The following KIAA1217 variants were observed in gnomAD, a reference collection of about 807,000 sequenced individuals.
The protein encoded by KIAA1217 is KIAA1217, also known as sickle tail protein homolog.
A neutral mutation model predicts 163.9 loss-of-function variants in KIAA1217; 88 were observed. That is an observed-to-expected ratio of 0.54 (90% CI 0.45 to 0.64). The LOEUF (loss-of-function observed/expected upper bound fraction) is 0.64. Among genes scored for constraint, KIAA1217 ranks in the 30% least tolerant of loss-of-function variants. The pLI, the probability that KIAA1217 is intolerant of heterozygous loss-of-function variation, is 0.00. For synonymous variants in KIAA1217, 903 were observed against 923.1 expected (o/e 0.98, Z 0.39); for missense variants, 2,372 against 2,475.0 (o/e 0.96, Z 0.88).
chr10:24,508,807 G>A (rs1306303336), intron 9 of KIAA1217, among the ~76,000 whole-genome samples: 6 of 152,194 alleles, frequency 3.9e-5, no homozygotes. Context: ...AGGAGCACAT[G>A]TTATATAATT....
At chr10:24,122,333 T>C (rs1257604724) in intron 2 of KIAA1217, among the ~76,000 whole-genome samples, 1 of 152,192 alleles carries the variant, frequency 6.6e-6, no homozygotes, top group African/African-American at 2.4e-5. Context: ...GCTTTCATTC[T>C]TTTTTATGGC....
Position 24,520,138 on chromosome 10 carries a change from T to C in KIAA1217, c.2193T>C (p.Phe731=). The C allele has an allele frequency of 1.2e-6, 2 of 1,614,024 alleles. No individual in the cohort carries two copies. Among genetic ancestry groups the C allele is most frequent in the Non-Finnish European group, 1.7e-6 (2 of 1,179,934 alleles). Reference sequence around the variant, plus strand: ...GCTCCCGCAGCGAGTTGGAAGACTTTGTTGAAGACTTGAAGAAGGACTCCA... The same window carrying C: ...GCTCCCGCAGCGAGTTGGAAGACTTCGTTGAAGACTTGAAGAAGGACTCCA... ...IVKKLCELED[F]VEDLKKDSTA... Residue 731 remains phenylalanine, a synonymous_variant, in exon 11 of 21, where the codon TTT becomes TTC. Transcript: ENST00000376454.
At chr10:23,697,755 T>C (rs1375251411) in intron 1 of KIAA1217, among the ~76,000 whole-genome samples, 2 of 151,832 alleles carry the variant, frequency 1.3e-5, no homozygotes, top group Non-Finnish European at 2.9e-5. Context: ...TGTGCACCTG[T>C]GATCCCAGCT....
chr10:24,067,546 C>T lies in KIAA1217; in HGVS notation c.-171+60172C>T, dbSNP rs562867428. On this transcript the variant is annotated intron_variant, in intron 2 of 18. Coordinates refer to the KIAA1217 transcript ENST00000376462. ...TACCCGGCCATGGGAGGTGTCAGTC[C>T]GCCCCTACTGGGGGATGCCTCCCAG... Among the ~76,000 whole-genome samples the T allele has an allele frequency of 2.0e-4, 30 of 152,234 alleles. 1 individual carries two copies. In the South Asian group the frequency reaches 5.2e-3, roughly 26 times the overall value.
chr10:24,246,489 AT>A (rs1419285247), intron 2 of KIAA1217, among the ~76,000 whole-genome samples: 2 of 152,176 alleles, frequency 1.3e-5, no homozygotes, highest in African/African-American at 4.8e-5. Flanking sequence ...GTCGATATGA[AT>A]GTTGCAGGGG....
chr10:23,829,553 T>G (rs970642824), intron 1 of KIAA1217, among the ~76,000 whole-genome samples: 9 of 152,218 alleles, frequency 5.9e-5, no homozygotes, highest in African/African-American at 2.2e-4. Context: ...ATTTGATTAT[T>G]TGCACATTTA....
At chr10:23,797,119 G>T (rs1211551149) in intron 1 of KIAA1217, among the ~76,000 whole-genome samples, 1 of 152,122 alleles carries the variant, frequency 6.6e-6, no homozygotes, top group Admixed American at 6.5e-5. Context: ...GCCTCTCAGA[G>T]CTGTAAAATG....
Position 24,058,939 on chromosome 10 carries a change from G to T in KIAA1217, c.-171+51565G>T, listed in dbSNP as rs61849235. On this transcript the variant is annotated intron_variant, in intron 2 of 18. Coordinates refer to the KIAA1217 transcript ENST00000376462. ...TTTATTGAATAGAAGTAGTAAGAGT[G>T]ATCATTCTTGTCTTCCTCCTGATCT... Among the ~76,000 whole-genome samples the T allele has an allele frequency of 6.4e-3, 972 of 152,154 alleles. 3 individuals are homozygous for T. Among genetic ancestry groups the T allele is most frequent in the Non-Finnish European group, 0.011 (738 of 68,006 alleles).
At chr10:24,192,286 T>A (rs1260156703) in intron 2 of KIAA1217, among the ~76,000 whole-genome samples, 6 of 152,200 alleles carry the variant, frequency 3.9e-5, no homozygotes, top group African/African-American at 1.4e-4. Context: ...TCCCTGTGTC[T>A]TCAGAGACAA....
rs915335250 is a variant in KIAA1217, at chr10:23,795,624, T to C, written c.-321+100390T>C. ...TCTTGAAGTAAGGACTTATAGGTCA[T>C]AGGTAGATTCAGAGATTCTTTGCTA... On this transcript the variant is annotated intron_variant, in intron 1 of 18. Transcript: ENST00000376462. Among the ~76,000 whole-genome samples, 7 of 152,206 alleles carry C rather than the reference T, an allele frequency of 4.6e-5. No individual in the cohort carries two copies. The East Asian group carries it at 1.3e-3, about 29-fold the overall frequency.
chr10:23,969,949 A>G (rs1214174105), intron 1 of KIAA1217, among the ~76,000 whole-genome samples: 1 of 152,168 alleles, frequency 6.6e-6, no homozygotes, highest in Non-Finnish European at 1.5e-5. Flanking sequence ...GAGAGAATGA[A>G]AGCCAAGCAA....
At chr10:23,828,025 A>G (rs973141994) in intron 1 of KIAA1217, among the ~76,000 whole-genome samples, 1 of 152,216 alleles carries the variant, frequency 6.6e-6, no homozygotes, top group Non-Finnish European at 1.5e-5. Flanking sequence ...ATTGAGCCAG[A>G]TTGTGAAGAG....
At chr10:24,501,679 A>G (rs1243328284) in intron 9 of KIAA1217, 134 bp downstream of exon 9, 5 of 607,906 alleles carry the variant, frequency 8.2e-6, no homozygotes, top group African/African-American at 1.9e-5. Flanking sequence ...CACACACACA[A>G]TCCAAGTCTA....
At chr10:24,150,525 T>C (rs1442262067) in intron 2 of KIAA1217, among the ~76,000 whole-genome samples, 1 of 152,212 alleles carries the variant, frequency 6.6e-6, no homozygotes, top group African/African-American at 2.4e-5. Context: ...AGTCCTGATT[T>C]CCAAGCCTAC....
Position 24,433,098 on chromosome 10 carries a change from A to C in KIAA1217, c.657A>C (p.Pro219=), listed in dbSNP as rs1424671803. The C allele has an allele frequency of 1.2e-6, 2 of 1,614,182 alleles. No individual in the cohort carries two copies. Among genetic ancestry groups the C allele is most frequent in the South Asian group, 1.1e-5 (1 of 91,080 alleles). ...TIRALFVSAF[P]QQLTMKMLES... ...GTGCTCTCTTCGTAAGTGCCTTTCC[A>C]CAGCAGCTCACCATGAAAATGCTGG... The change falls in exon 4 of 21, where the codon CCA becomes CCC. Residue 219 remains proline, a synonymous_variant. Coordinates refer to ENST00000376454, the MANE Select transcript of KIAA1217 (RefSeq NM_019590.5).
intron 3 of KIAA1217, among the ~76,000 whole-genome samples, chr10:24,406,246 C>T (rs533501363): frequency 2.0e-5 from 3 of 152,170 alleles, no homozygotes; most frequent in African/African-American, 7.2e-5. Context: ...TTGACATTGT[C>T]CCATATGGAT....
chr10:24,137,836 T>C (rs2063892844), intron 2 of KIAA1217, among the ~76,000 whole-genome samples: 1 of 152,234 alleles, frequency 6.6e-6, no homozygotes, highest in African/African-American at 2.4e-5. Context: ...ACACTTCTTT[T>C]CTATGCATGC....
chr10:23,750,268 T>G (rs922771003), intron 1 of KIAA1217, among the ~76,000 whole-genome samples: 2 of 152,218 alleles, frequency 1.3e-5, no homozygotes, highest in Non-Finnish European at 1.5e-5. Context: ...AATAAAAGTC[T>G]AAATGTTTTG....
chr10:24,049,769 C>T (rs539298356), intron 2 of KIAA1217, among the ~76,000 whole-genome samples: 6 of 152,246 alleles, frequency 3.9e-5, no homozygotes, highest in Non-Finnish European at 5.9e-5. Context: ...AGTAAACATA[C>T]GTGTGCATGT....
Sources: gnomAD v4.1 joint callset for allele counts (sites outside exome capture counted in the v4.1 genomes callset) on GRCh38, gnomAD v4.1.1 for gene constraint, MANE v1.5 for transcripts, NCBI Gene and HGNC (gene_info 2026-07-23, HGNC 2026-07-21) for gene names.